PPARGC1A: variants seen among roughly 807,000 people sequenced by gnomAD.
PPARGC1A encodes PPARG coactivator 1 alpha.
A neutral mutation model predicts 88.7 loss-of-function variants in PPARGC1A; 25 were observed. The observed-to-expected ratio is 0.28, with a 90% confidence interval of 0.21 to 0.39. The LOEUF (loss-of-function observed/expected upper bound fraction) is 0.39. Ranked by LOEUF, PPARGC1A falls within the 10% of genes least tolerant of loss-of-function variation. The probability of loss-of-function intolerance (pLI) is 1.00; values close to 1 mark genes in which losing one functional copy is unlikely to be tolerated. For missense variants in PPARGC1A, 880 were observed against 968.7 expected, an observed-to-expected ratio of 0.91 and a Z score of 1.22; for synonymous variants, 363 against 355.6, an observed-to-expected ratio of 1.02 and a Z score of -0.24.
chr4:23,967,203 C>T, the PPARGC1A span, among the ~76,000 whole-genome samples: 1 of 152,190 alleles, frequency 6.6e-6, no homozygotes, highest in Non-Finnish European at 1.5e-5. Flanking sequence ...AGCCTACACT[C>T]TGTGCAGCAA....
the PPARGC1A span, among the ~76,000 whole-genome samples, chr4:24,186,280 C>A: frequency 6.6e-6 from 1 of 152,130 alleles, no homozygotes; most frequent in Non-Finnish European, 1.5e-5. Flanking sequence ...AAAGAGGACC[C>A]TTCTGCGAAT....
chr4:23,837,171 G>A (rs947640242), intron 2 of PPARGC1A, among the ~76,000 whole-genome samples: 7 of 152,078 alleles, frequency 4.6e-5, no homozygotes, highest in Middle Eastern at 3.4e-3. Flanking sequence ...AAGAATTCTC[G>A]CTTCCTCATT....
the PPARGC1A span, among the ~76,000 whole-genome samples, chr4:24,180,669 C>T: frequency 6.6e-6 from 1 of 152,158 alleles, no homozygotes; most frequent in East Asian, 1.9e-4. Flanking sequence ...TTTACTCTTT[C>T]CAGCACTCAT....
chr4:24,181,242 T>C, the PPARGC1A span, among the ~76,000 whole-genome samples: 2 of 152,212 alleles, frequency 1.3e-5, no homozygotes, highest in African/African-American at 4.8e-5. Context: ...ACAAGAGTGA[T>C]CATAGCCCAG....
chr4:24,071,450 T>C, the PPARGC1A span, among the ~76,000 whole-genome samples: 2 of 152,176 alleles, frequency 1.3e-5, no homozygotes, highest in African/African-American at 2.4e-5. Flanking sequence ...TATTATGCCA[T>C]TCCTTTTATC....
the PPARGC1A span, among the ~76,000 whole-genome samples, chr4:24,004,905 A>G: frequency 1.3e-5 from 2 of 152,282 alleles, no homozygotes; most frequent in Admixed American, 6.5e-5. Flanking sequence ...GAGGGTTAAA[A>G]CAGGGTCATG....
the PPARGC1A span, among the ~76,000 whole-genome samples, chr4:24,022,021 G>A: frequency 6.6e-6 from 1 of 152,154 alleles, no homozygotes; most frequent in Admixed American, 6.5e-5. Context: ...AGACAGGAGA[G>A]GCGAGGAGTG....
the PPARGC1A span, among the ~76,000 whole-genome samples, chr4:23,992,725 AAAATCCTTC>A: frequency 2.0e-5 from 3 of 152,212 alleles, no homozygotes; most frequent in South Asian, 2.1e-4. Context: ...CACTTGTATC[AAAATCCTTC>A]AATTCCCTTT....
the PPARGC1A span, among the ~76,000 whole-genome samples, chr4:24,273,725 CT>C: frequency 0.3 from 30,302 of 100,876 alleles, 3,451 homozygotes; most frequent in Non-Finnish European, 0.33. Context: ...CCTTGGGGCA[CT>C]TTTTTTTTTT....
chr4:23,931,420 T>C, the PPARGC1A span, among the ~76,000 whole-genome samples: 1 of 151,808 alleles, frequency 6.6e-6, no homozygotes, highest in African/African-American at 2.4e-5. Context: ...TGCTTTTCTG[T>C]ATCCCCGCCC....
chr4:24,127,465 G>A, the PPARGC1A span, among the ~76,000 whole-genome samples: 1 of 151,276 alleles, frequency 6.6e-6, no homozygotes, highest in African/African-American at 2.4e-5. Flanking sequence ...ATGAGATGAG[G>A]GTGGATCATT....
At chr4:24,075,117 T>A in the PPARGC1A span, among the ~76,000 whole-genome samples, 1 of 152,154 alleles carries the variant, frequency 6.6e-6, no homozygotes, top group South Asian at 2.1e-4. Flanking sequence ...GCTTCAGGTG[T>A]CTATGAGCCC....
At chr4:24,024,848 C>A in the PPARGC1A span, among the ~76,000 whole-genome samples, 1 of 152,160 alleles carries the variant, frequency 6.6e-6, no homozygotes, top group Non-Finnish European at 1.5e-5. Context: ...TATCTAACAG[C>A]TAATATAATA....
rs763599943 is a variant in PPARGC1A at position 23,812,883 on chromosome 4, T to G, written c.1899-16A>C. On this transcript the variant is annotated splice_polypyrimidine_tract_variant and intron_variant, in intron 9 of 12. Transcript: ENST00000264867. ...GCTGTCATACCTGGGAAACATAACT[T>G]TATCACTAAGTCAACCACCTCAATT... 1 of 1,613,936 alleles carries G rather than the reference T, an allele frequency of 6.2e-7. No individual in the cohort carries two copies. Among genetic ancestry groups the G allele is most frequent in the East Asian group, 2.2e-5 (1 of 44,856 alleles).
At chr4:23,949,199 C>T in the PPARGC1A span, among the ~76,000 whole-genome samples, 9 of 152,100 alleles carry the variant, frequency 5.9e-5, no homozygotes, top group African/African-American at 2.2e-4. Context: ...GTATGTACTA[C>T]ATACATAGAT....
the PPARGC1A span, among the ~76,000 whole-genome samples, chr4:24,141,602 C>T: frequency 1.2e-4 from 19 of 152,320 alleles, no homozygotes; most frequent in South Asian, 3.3e-3. Flanking sequence ...ATGCTTCCCC[C>T]CTTCCAATGC....
At chr4:23,973,098 G>T in the PPARGC1A span, among the ~76,000 whole-genome samples, 2 of 152,202 alleles carry the variant, frequency 1.3e-5, no homozygotes, top group African/African-American at 4.8e-5. Context: ...GATGCTGCTT[G>T]CAAACTTTCC....
chr4:24,181,887 G>A, the PPARGC1A span, among the ~76,000 whole-genome samples: 1 of 151,960 alleles, frequency 6.6e-6, no homozygotes, highest in African/African-American at 2.4e-5. Flanking sequence ...ACCTTACCCC[G>A]AGAAAACAAG....
chr4:23,890,153 A>T (rs1046896211), upstream of PPARGC1A: 1 of 1,221,910 alleles, frequency 8.2e-7, no homozygotes, highest in African/African-American at 1.5e-5. Flanking sequence ...TCCCCTGTGC[A>T]GCTTGCTGCT....
Sources: allele counts gnomAD v4.1 joint callset (sites outside exome capture counted in the v4.1 genomes callset), GRCh38; gene constraint gnomAD v4.1.1; transcripts MANE v1.5; gene names NCBI Gene and HGNC (gene_info 2026-07-23, HGNC 2026-07-21).